STPG2: variants seen among roughly 807,000 people sequenced by gnomAD.
STPG2 encodes the protein sperm-tail PG-rich repeat-containing protein 2.
Under a neutral mutation model 54.2 loss-of-function variants are expected in STPG2, and 56 were observed. That is an observed-to-expected ratio of 1.03 (90% CI 0.83 to 1.29). STPG2 has a LOEUF of 1.29. Ranked by LOEUF, STPG2 falls within the 50% of genes most tolerant of loss-of-function variation. The probability of loss-of-function intolerance (pLI) is 0.00; values close to 1 mark genes in which losing one functional copy is unlikely to be tolerated. For synonymous variants in STPG2, 200 were observed against 181.8 expected (o/e 1.10, Z -0.81); for missense variants, 596 against 544.9 (o/e 1.09, Z -0.93).
chr4:97,569,073 G>A (rs2148882102), intron 10 of STPG2, among the ~76,000 whole-genome samples: 1 of 152,268 alleles, frequency 6.6e-6, no homozygotes, highest in East Asian at 1.9e-4. Context: ...TCCATAGGCA[G>A]AGCAGAGACA....
At chr4:97,701,270 C>T (rs779210435) in intron 10 of STPG2, among the ~76,000 whole-genome samples, 4 of 152,100 alleles carry the variant, frequency 2.6e-5, no homozygotes, top group Non-Finnish European at 5.9e-5. Flanking sequence ...AAAATGACCA[C>T]AAGATGAGTC....
intron 9 of STPG2, among the ~76,000 whole-genome samples, chr4:97,822,994 G>A (rs1000442062): frequency 2.0e-5 from 3 of 152,216 alleles, no homozygotes; most frequent in Non-Finnish European, 2.9e-5. Context: ...AGGTGGGGAA[G>A]CTGTAGAAGA....
At chr4:97,689,681 T>C (rs1723303616) in intron 10 of STPG2, among the ~76,000 whole-genome samples, 1 of 152,130 alleles carries the variant, frequency 6.6e-6, no homozygotes, top group Admixed American at 6.5e-5. Flanking sequence ...ATTGTAGAAA[T>C]GTTCTAAATA....
At chr4:97,859,020 T>C (rs1030682329) in intron 8 of STPG2, among the ~76,000 whole-genome samples, 1 of 152,364 alleles carries the variant, frequency 6.6e-6, no homozygotes, top group Non-Finnish European at 1.5e-5. Flanking sequence ...AACAGCAGTG[T>C]AAAAGTGTTT....
chr4:97,787,341 A>C (rs1243781227), intron 9 of STPG2, among the ~76,000 whole-genome samples: 1 of 152,084 alleles, frequency 6.6e-6, no homozygotes, highest in East Asian at 1.9e-4. Flanking sequence ...TTTAATATTA[A>C]TCAGAGTTGA....
chr4:97,680,028 A>T (rs1174899270), intron 10 of STPG2, among the ~76,000 whole-genome samples: 1 of 152,104 alleles, frequency 6.6e-6, no homozygotes, highest in Non-Finnish European at 1.5e-5. Context: ...TGGTTACTGT[A>T]GCCTTGTAGT....
At chr4:97,607,063 A>G (rs1017681052) in intron 10 of STPG2, among the ~76,000 whole-genome samples, 15 of 152,084 alleles carry the variant, frequency 9.9e-5, no homozygotes, top group Admixed American at 3.3e-4. Context: ...AACAGAAAGA[A>G]ACCTTCAATA....
chr4:97,928,632 T>C (rs1732424778), intron 8 of STPG2, among the ~76,000 whole-genome samples: 1 of 152,046 alleles, frequency 6.6e-6, no homozygotes, highest in South Asian at 2.1e-4. Flanking sequence ...TGTTGTGGGG[T>C]TGTTTTTGTT....
chr4:97,531,303 C>G (rs1324011133), intron 4 of STPG2, among the ~76,000 whole-genome samples: 1 of 152,062 alleles, frequency 6.6e-6, no homozygotes, highest in Non-Finnish European at 1.5e-5. Flanking sequence ...TTGGAGTTTC[C>G]TTAAAAAACT....
At chr4:97,617,814 C>T (rs1733912484) in intron 10 of STPG2, among the ~76,000 whole-genome samples, 1 of 151,968 alleles carries the variant, frequency 6.6e-6, no homozygotes. Flanking sequence ...GAAAGAGTGC[C>T]AGAATAATAG....
intron 8 of STPG2, among the ~76,000 whole-genome samples, chr4:97,900,203 C>T (rs750872218): frequency 6.6e-6 from 1 of 151,940 alleles, no homozygotes; most frequent in Non-Finnish European, 1.5e-5. Context: ...TATACAAATG[C>T]AAATCAAAAC....
chr4:97,911,452 G>T (rs1031798938), intron 8 of STPG2, among the ~76,000 whole-genome samples: 2 of 152,170 alleles, frequency 1.3e-5, no homozygotes, highest in Non-Finnish European at 2.9e-5. Flanking sequence ...TTCCCGGGGG[G>T]CAGGGGCAGC....
intron 3 of STPG2, among the ~76,000 whole-genome samples, chr4:98,119,944 G>A (rs1410895821): frequency 6.6e-6 from 1 of 152,018 alleles, no homozygotes; most frequent in Non-Finnish European, 1.5e-5. Context: ...TCCTTTTTAT[G>A]GCTGTATAGT....
chr4:97,856,957 CATTT>C (rs1729358155), intron 8 of STPG2, among the ~76,000 whole-genome samples: 1 of 152,092 alleles, frequency 6.6e-6, no homozygotes, highest in Non-Finnish European at 1.5e-5. Context: ...TGATGAATCA[CATTT>C]ATTGATTTGT....
intron 9 of STPG2, among the ~76,000 whole-genome samples, chr4:97,730,854 C>T (rs1346886865): frequency 6.6e-6 from 1 of 152,182 alleles, no homozygotes; most frequent in Non-Finnish European, 1.5e-5. Context: ...TTTTTCAACT[C>T]CAGAAGTTCA....
chr4:97,590,498 A>G (rs1578409269), intron 10 of STPG2, among the ~76,000 whole-genome samples: 1 of 152,236 alleles, frequency 6.6e-6, no homozygotes, highest in South Asian at 2.1e-4. Context: ...ATTTACAGTC[A>G]GTGCCTATTC....
intron 5 of STPG2, among the ~76,000 whole-genome samples, chr4:98,039,508 T>C (rs1339929546): frequency 6.6e-6 from 1 of 150,960 alleles, no homozygotes; most frequent in East Asian, 1.9e-4. Flanking sequence ...ATATATACCA[T>C]ATTTCTTTTG....
chr4:97,911,151 A>G (rs995620556), intron 8 of STPG2, among the ~76,000 whole-genome samples: 1 of 152,368 alleles, frequency 6.6e-6, no homozygotes, highest in Admixed American at 6.5e-5. Context: ...GCAACCCACG[A>G]ATAAGATCCC....
intron 10 of STPG2, among the ~76,000 whole-genome samples, chr4:97,619,726 C>T (rs1560688595): frequency 6.6e-6 from 1 of 152,050 alleles, no homozygotes; most frequent in African/African-American, 2.4e-5. Flanking sequence ...TTCGAATACC[C>T]CTTGAAGTTC....
Sources: gnomAD v4.1 joint callset for allele counts (sites outside exome capture counted in the v4.1 genomes callset) on GRCh38, gnomAD v4.1.1 for gene constraint, MANE v1.5 for transcripts, NCBI Gene and HGNC (gene_info 2026-07-23, HGNC 2026-07-21) for gene names.